Variants in DCLK1 observed in about 807,000 individuals in gnomAD.
DCLK1 encodes the protein serine/threonine-protein kinase DCLK1.
DCLK1 carries 16 observed loss-of-function variants against 86.2 expected under a neutral mutation model. The ratio of observed to expected loss-of-function variants is 0.19; its 90% CI spans 0.13 to 0.28. The LOEUF (loss-of-function observed/expected upper bound fraction) is 0.28. Among genes scored for constraint, DCLK1 ranks in the 10% least tolerant of loss-of-function variants. DCLK1 has a pLI of 1.00. For missense variants in DCLK1, 590 were observed against 940.2 expected (o/e 0.63, Z 4.87); for synonymous variants, 369 against 370.5 (o/e 1.00, Z 0.05).
At chr13:36,008,312 C>T (rs1304655614) in intron 3 of DCLK1, among the ~76,000 whole-genome samples, 3 of 109,214 alleles carry the variant, frequency 2.7e-5, no homozygotes, top group African/African-American at 7.4e-5. Context: ...CATGCTGGTG[C>T]GCTGCACCCA....
chr13:35,814,022 G>T (rs1025694077), intron 11 of DCLK1, among the ~76,000 whole-genome samples: 1 of 152,056 alleles, frequency 6.6e-6, no homozygotes, highest in South Asian at 2.1e-4. Context: ...TTGGGAGGAG[G>T]ATGGAGAAGA....
intron 4 of DCLK1, among the ~76,000 whole-genome samples, chr13:35,919,294 T>TA (rs1275536571): frequency 6.6e-6 from 1 of 152,104 alleles, no homozygotes; most frequent in Admixed American, 6.6e-5. Context: ...GAAGAACAAA[T>TA]ATCTATTCCT....
intron 6 of DCLK1, among the ~76,000 whole-genome samples, chr13:35,840,611 T>C (rs1379379501): frequency 6.6e-6 from 1 of 152,224 alleles, no homozygotes; most frequent in African/African-American, 2.4e-5. Context: ...TTTCCAATAC[T>C]ATAAAAATCC....
chr13:35,925,936 T>C (rs530842646), intron 4 of DCLK1, among the ~76,000 whole-genome samples: 64 of 152,322 alleles, frequency 4.2e-4, no homozygotes, highest in African/African-American at 1.5e-3. Context: ...AAGACCTATA[T>C]GCTTTACTTA....
At chr13:36,089,463 C>T (rs1017812772) in intron 3 of DCLK1, among the ~76,000 whole-genome samples, 2 of 152,166 alleles carry the variant, frequency 1.3e-5, no homozygotes, top group Non-Finnish European at 2.9e-5. Flanking sequence ...CTTTCCTGTG[C>T]AGCACTCAAC....
At chr13:35,995,115 T>C (rs1214858375) in intron 3 of DCLK1, among the ~76,000 whole-genome samples, 2 of 152,230 alleles carry the variant, frequency 1.3e-5, no homozygotes, top group African/African-American at 2.4e-5. Context: ...AGCTTTGTAG[T>C]GGTGGAGTTT....
intron 4 of DCLK1, among the ~76,000 whole-genome samples, chr13:35,945,815 C>G (rs375136545): frequency 6.6e-6 from 1 of 151,956 alleles, no homozygotes; most frequent in East Asian, 1.9e-4. Flanking sequence ...TCAAAGGGCA[C>G]GTAGGTCAGA....
chr13:35,937,428 G>A (rs975569414), intron 4 of DCLK1, among the ~76,000 whole-genome samples: 72 of 152,090 alleles, frequency 4.7e-4, no homozygotes, highest in African/African-American at 1.6e-3. Context: ...TCAAAACAGC[G>A]GGGAGGAGGG....
chr13:35,990,829 C>T (rs542704609), intron 3 of DCLK1, among the ~76,000 whole-genome samples: 2 of 152,060 alleles, frequency 1.3e-5, no homozygotes, highest in South Asian at 2.1e-4. Flanking sequence ...TCTGAATATT[C>T]CCACCAAGTT....
intron 3 of DCLK1, among the ~76,000 whole-genome samples, chr13:35,958,271 T>TATA (rs1878233537): frequency 7.9e-4 from 4 of 5,054 alleles, no homozygotes; most frequent in Non-Finnish European, 9.9e-4. Context: ...CTATAACCAT[T>TATA]ACCACCATCA....
chr13:36,056,892 A>AC (rs1484000444), intron 3 of DCLK1, among the ~76,000 whole-genome samples: 2 of 93,766 alleles, frequency 2.1e-5, no homozygotes, highest in Admixed American at 1.3e-4. Context: ...CAAGACTGTG[A>AC]CAAAAAAAAA....
At chr13:36,021,738 A>G (rs1395949255) in intron 3 of DCLK1, among the ~76,000 whole-genome samples, 2 of 152,126 alleles carry the variant, frequency 1.3e-5, no homozygotes, top group African/African-American at 4.8e-5. Context: ...CTAGAACCCA[A>G]AACTACCTGA....
At chr13:35,821,163 G>A (rs2087386156) in intron 11 of DCLK1, among the ~76,000 whole-genome samples, 1 of 152,190 alleles carries the variant, frequency 6.6e-6, no homozygotes, top group African/African-American at 2.4e-5. Context: ...AGGTACCCAT[G>A]TTCCTTACCT....
intron 3 of DCLK1, among the ~76,000 whole-genome samples, chr13:35,951,287 ATG>A (rs1877665117): frequency 6.6e-6 from 1 of 150,502 alleles, no homozygotes; most frequent in Admixed American, 6.7e-5. Context: ...GGATGGATGG[ATG>A]GATGGATGGA....
At chr13:35,782,080 T>A (rs868170347) in intron 16 of DCLK1, among the ~76,000 whole-genome samples, 6 of 152,244 alleles carry the variant, frequency 3.9e-5, no homozygotes, top group African/African-American at 1.4e-4. Flanking sequence ...TGCAACTGAG[T>A]AGCCTTCCAA....
Position 35,847,871 on chromosome 13 carries a change from A to T in DCLK1, c.1035+6628T>A, listed in dbSNP as rs906376994. 3 of 985,218 alleles carry T rather than the reference A, an allele frequency of 3.0e-6. No homozygotes were observed. In the African/African-American group the frequency reaches 5.2e-5, roughly 17 times the overall value. 61.0% of individuals were successfully genotyped at this position (985,218 alleles called of 1,614,324 possible). A position where few individuals can be genotyped will look rare whatever the true frequency, so the allele number is the denominator to read the frequency against. Reference sequence around the variant, plus strand: ...ACTTCTTAAAATTCTATGGCAGTACAGAAACTGTCTAGATTTTTCCCCCTG... The same window carrying T: ...ACTTCTTAAAATTCTATGGCAGTACTGAAACTGTCTAGATTTTTCCCCCTG... On this transcript the variant is annotated intron_variant, in intron 6 of 16. Transcript: ENST00000360631.
intron 3 of DCLK1, among the ~76,000 whole-genome samples, chr13:35,976,744 C>T (rs146200618): frequency 0.043 from 6,502 of 151,488 alleles, 412 homozygotes; most frequent in African/African-American, 0.14. Flanking sequence ...CCGTTTTAGC[C>T]GGGATGGTCT....
At chr13:35,989,708 T>A (rs1880129234) in intron 3 of DCLK1, among the ~76,000 whole-genome samples, 1 of 135,712 alleles carries the variant, frequency 7.4e-6, no homozygotes, top group Non-Finnish European at 1.6e-5. Context: ...CCTGGCTAAT[T>A]GGCTTTTTTT....
intron 16 of DCLK1, among the ~76,000 whole-genome samples, chr13:35,782,394 A>G (rs1378047647): frequency 3.3e-5 from 5 of 152,188 alleles, no homozygotes; most frequent in Admixed American, 3.3e-4. Flanking sequence ...TTTGTTCTCC[A>G]TCATATCAGT....
Sources: allele counts gnomAD v4.1 joint callset (sites outside exome capture counted in the v4.1 genomes callset), GRCh38; gene constraint gnomAD v4.1.1; transcripts MANE v1.5; gene names NCBI Gene and HGNC (gene_info 2026-07-23, HGNC 2026-07-21).